Variants in TRIM3 observed in about 807,000 individuals in gnomAD.
The protein encoded by TRIM3 is tripartite motif containing 3.
In TRIM3, 13 loss-of-function variants were observed where a neutral mutation model predicts 66.6. That is an observed-to-expected ratio of 0.20 (90% CI 0.13 to 0.31). TRIM3 has a LOEUF of 0.31. Among genes scored for constraint, TRIM3 ranks in the 10% least tolerant of loss-of-function variants. TRIM3 has a pLI of 1.00. For synonymous variants in TRIM3, 406 were observed against 411.7 expected, an observed-to-expected ratio of 0.99 and a Z score of 0.17; for missense variants, 711 against 1,020.4, an observed-to-expected ratio of 0.70 and a Z score of 4.13.
chr11:6,464,778 G>A (rs923186360), intron 2 of TRIM3, among the ~76,000 whole-genome samples: 3 of 152,088 alleles, frequency 2.0e-5, no homozygotes, highest in African/African-American at 7.2e-5. Context: ...CCTGAGTTCA[G>A]GAGTTCAAGA....
chr11:6,450,649 A>G lies in TRIM3; in HGVS notation c.1871-28T>C. ...GAAAATACAAAGTGGTCTTCAGGGC[A>G]GTAAGCTGGGATGCTGAGTGGGATG... On this transcript the variant is annotated intron_variant, in intron 9 of 11. Transcript: ENST00000345851. The surrounding 1 kb of genome is among the most constrained non-coding windows in gnomAD (Gnocchi z 4.8). 1 of 1,607,734 alleles carries G rather than the reference A, an allele frequency of 6.2e-7. No individual in the cohort carries two copies. Among genetic ancestry groups the G allele is most frequent in the Non-Finnish European group, 8.5e-7 (1 of 1,174,248 alleles).
chr11:6,469,396 T>C (rs1276496541), intron 1 of TRIM3, among the ~76,000 whole-genome samples: 1 of 152,148 alleles, frequency 6.6e-6, no homozygotes, highest in Non-Finnish European at 1.5e-5. Flanking sequence ...TGCCTGAATC[T>C]GAGATTCTCT....
chr11:6,451,957 C>T (rs1589823880), intron 7 of TRIM3: 1 of 154,804 alleles, frequency 6.5e-6, no homozygotes. Context: ...AAAGAACATT[C>T]TGGCTGTAGG....
chr11:6,456,757 G>A lies in TRIM3; in HGVS notation c.969C>T (p.His323=), dbSNP rs1022317096. The A allele has an allele frequency of 3.7e-6, 6 of 1,611,564 alleles. No individual in the cohort carries two copies. The African/African-American group carries it at 4.0e-5, about 11-fold the overall frequency. The change falls in exon 6 of 12, where the codon CAC becomes CAT. Residue 323 remains histidine (H), a synonymous_variant. Coordinates refer to ENST00000345851, the MANE Select transcript of TRIM3 (RefSeq NM_033278.4). This position sits in a 1 kb window ranked among gnomAD's most constrained non-coding sequence, Gnocchi z 6.4. ...GALLTTSATA[H]ETVATGEGLR... is the part of the protein sequence containing the mutation. ...GGCCCTCTCCCGTGGCCACCGTTTC[G>A]TGTGCAGTGGCGCTCGTGGTGAGCA...
rs1850553027 is a variant in TRIM3 at position 6,468,417 on chromosome 11, G to A, written c.-37-2685C>T. On this transcript the variant is annotated intron_variant, in intron 1 of 11. Transcript: ENST00000345851. ...CACTAGCATATAAATGGCACTTTCAGCAATGAGAAGACATGAGCCCACCTA... is the reference window on the plus strand; with the variant it reads ...CACTAGCATATAAATGGCACTTTCAACAATGAGAAGACATGAGCCCACCTA... Among the ~76,000 whole-genome samples, 2 of 152,202 alleles carry A rather than the reference G, an allele frequency of 1.3e-5. 1 individual carries two copies. The highest frequency in any genetic ancestry group is 4.1e-4 in the South Asian group (2 of 4,834).
At chr11:6,474,000 T>C (rs1850827187), upstream of TRIM3, 1 of 149,782 alleles carries the variant, frequency 6.7e-6, no homozygotes, top group African/African-American at 2.5e-5. Flanking sequence ...GTGACTCCAG[T>C]AGGGAAGACC....
chr11:6,467,464 G>A (rs1397904877), intron 1 of TRIM3, among the ~76,000 whole-genome samples: 3 of 152,166 alleles, frequency 2.0e-5, no homozygotes, highest in African/African-American at 4.8e-5. Flanking sequence ...CCTTATAACC[G>A]CCATTAAGAA....
At chr11:6,471,000 T>A (rs1850668692) in intron 1 of TRIM3, among the ~76,000 whole-genome samples, 1 of 152,170 alleles carries the variant, frequency 6.6e-6, no homozygotes, top group Non-Finnish European at 1.5e-5. Flanking sequence ...AGCATGTGGT[T>A]TTCAGGGGAT....
Position 6,449,543 on chromosome 11 carries a change from C to T in TRIM3, c.1942-97G>A. The stretch of plus-strand genomic sequence containing the variant: ...GTGAAGCCCCAGGGCTGAGAACCCC[C>T]ACCCAGATCTACAGCTACAGCCCAA... On this transcript the variant is annotated intron_variant, in intron 10 of 11. Coordinates refer to ENST00000345851, the MANE Select transcript of TRIM3 (RefSeq NM_033278.4). This position sits in a 1 kb window ranked among gnomAD's most constrained non-coding sequence, Gnocchi z 5.3. 2.4e-6 allele frequency: 3 copies of T among 1,256,306 alleles called. No individual in the cohort carries two copies. The highest frequency in any genetic ancestry group is 3.3e-6 in the Non-Finnish European group (3 of 913,830). 77.8% of individuals were successfully genotyped at this position (1,256,306 alleles called of 1,614,324 possible).
chr11:6,467,044 A>T (rs1850499406), intron 1 of TRIM3, among the ~76,000 whole-genome samples: 1 of 152,190 alleles, frequency 6.6e-6, no homozygotes, highest in Non-Finnish European at 1.5e-5. Flanking sequence ...TTTACTGCCT[A>T]CTTTGTACAG....
chr11:6,466,765 C>A (rs989213013), intron 1 of TRIM3, among the ~76,000 whole-genome samples: 2 of 152,094 alleles, frequency 1.3e-5, no homozygotes, highest in Non-Finnish European at 2.9e-5. Context: ...CTTTAGAAGA[C>A]CTTCCATGAC....
At chr11:6,469,147 C>A (rs1378931931) in intron 1 of TRIM3, among the ~76,000 whole-genome samples, 1 of 152,140 alleles carries the variant, frequency 6.6e-6, no homozygotes, top group Non-Finnish European at 1.5e-5. Context: ...CAAGCTGAAG[C>A]CTCTGTCTGG....
chr11:6,448,836 G>T lies in TRIM3; in HGVS notation c.*192C>A. On this transcript the variant is annotated 3_prime_UTR_variant, in exon 12 of 12. Transcript: ENST00000345851. ...TGGGACCACAGTCCAGGCTCACCCA[G>T]TCACCAAAGCAAGAACCGAATAAAT... 1 of 675,628 alleles carries T rather than the reference G, an allele frequency of 1.5e-6. No individual in the cohort carries two copies. The highest frequency in any genetic ancestry group is 2.5e-6 in the Non-Finnish European group (1 of 393,310). The allele number at this position is 675,628 out of a possible 1,614,324, so 41.9% of individuals were successfully genotyped here.
In TRIM3 at chr11:6,457,371, G is replaced by A; in HGVS notation, c.621C>T (p.Asp207=). The change falls in exon 5 of 12, where the codon GAC becomes GAT. Residue 207 remains aspartate, a synonymous_variant. Transcript: ENST00000345851. This position sits in a 1 kb window ranked among gnomAD's most constrained non-coding sequence, Gnocchi z 4.5. ...TGCGCTGCTGCAGTGCTTGCTCCAG[G>A]TCCTCGAACGCTGCACTGATCTGGG... The part of the protein sequence containing the change: ...ALAQISAAFE[D]LEQALQQRKQ... 6.2e-7 allele frequency: 1 copy of A among 1,613,908 alleles called. No individual in the cohort carries two copies. Among genetic ancestry groups the A allele is most frequent in the Non-Finnish European group, 8.5e-7 (1 of 1,179,840 alleles).
Position 6,457,857 on chromosome 11 carries a change from A to G in TRIM3, c.364-10T>C. 6.2e-7 allele frequency: 1 copy of G among 1,614,062 alleles called. No individual in the cohort carries two copies. Among genetic ancestry groups the G allele is most frequent in the East Asian group, 2.2e-5 (1 of 44,878 alleles). On this transcript the variant is annotated splice_polypyrimidine_tract_variant and intron_variant, in intron 3 of 11. Coordinates refer to ENST00000345851, the MANE Select transcript of TRIM3 (RefSeq NM_033278.4). This position sits in a 1 kb window ranked among gnomAD's most constrained non-coding sequence, Gnocchi z 4.5. ...AGTAAAACTCCATCGTCTGCGGTAC[A>G]AGGACTCCAGTCGGGTAATGGCTAG...
At position 6,450,548 on chromosome 11, in the gene TRIM3, G is replaced by C; in HGVS notation, c.1941+3C>G. On this transcript the variant is annotated splice_donor_region_variant and intron_variant, in intron 10 of 11. Coordinates refer to ENST00000345851, the MANE Select transcript of TRIM3 (RefSeq NM_033278.4). This position sits in a 1 kb window ranked among gnomAD's most constrained non-coding sequence, Gnocchi z 4.8. ...TGGTCACGGAGGGAGGGAAGACACT[G>C]ACCTTCACTGAATGGTTATGGAAGT... is the stretch of plus-strand genomic sequence containing the variant. The C allele has an allele frequency of 6.2e-7, 1 of 1,613,900 alleles. No homozygotes were observed. The highest frequency in any genetic ancestry group is 8.5e-7 in the Non-Finnish European group (1 of 1,179,736).
At chr11:6,471,633 G>T (rs1222118419) in intron 1 of TRIM3, among the ~76,000 whole-genome samples, 5 of 152,200 alleles carry the variant, frequency 3.3e-5, no homozygotes, top group Non-Finnish European at 7.3e-5. Context: ...CAAGTTTTTA[G>T]ACTAATGTGA....
chr11:6,469,931 G>C (rs1470461821), intron 1 of TRIM3, among the ~76,000 whole-genome samples: 1 of 152,162 alleles, frequency 6.6e-6, no homozygotes, highest in Non-Finnish European at 1.5e-5. Flanking sequence ...GGTGCCTTTT[G>C]CATCAGGAGG....
Position 6,456,289 on chromosome 11 carries a change from G to A in TRIM3, c.1429+8C>T. 6.4e-7 allele frequency: 1 copy of A among 1,570,154 alleles called. No homozygotes were observed. On this transcript the variant is annotated splice_region_variant and intron_variant, in intron 6 of 11. Coordinates refer to ENST00000345851, the MANE Select transcript of TRIM3 (RefSeq NM_033278.4). This position sits in a 1 kb window ranked among gnomAD's most constrained non-coding sequence, Gnocchi z 6.4. ...GGCCCATCTGGCTCTGCCCTCGGCT[G>A]TCTGTACCAACACGGAAGACGAGCT...
Sources: gnomAD v4.1 joint callset for allele counts (sites outside exome capture counted in the v4.1 genomes callset) on GRCh38, gnomAD v4.1.1 for gene constraint, Gnocchi (gnomAD v3.1) non-coding constraint, MANE v1.5 for transcripts, NCBI Gene and HGNC (gene_info 2026-07-23, HGNC 2026-07-21) for gene names.